MX1: variants seen among roughly 807,000 people sequenced by gnomAD.
MX1 encodes interferon-induced GTP-binding protein Mx1.
In MX1, 66 loss-of-function variants were observed where a neutral mutation model predicts 66.4. The ratio of observed to expected loss-of-function variants is 0.99; its 90% CI spans 0.82 to 1.22. The LOEUF (loss-of-function observed/expected upper bound fraction) is 1.22. MX1 is among the 50% of genes most tolerant of loss of function. The pLI is 0.00. For synonymous variants in MX1, 311 were observed against 318.1 expected, an observed-to-expected ratio of 0.98 and a Z score of 0.24; for missense variants, 787 against 834.3, an observed-to-expected ratio of 0.94 and a Z score of 0.70.
intron 13 of MX1, among the ~76,000 whole-genome samples, chr21:41,448,542 A>G (rs895930378): frequency 6.6e-6 from 1 of 152,180 alleles, no homozygotes; most frequent in Non-Finnish European, 1.5e-5. Context: ...ACGGTGGCTC[A>G]CGCCTGTAAT....
In MX1 at chr21:41,432,046, T is replaced by G; in HGVS notation, c.-21-4T>G. ...TGTTCAATAGGCATCTGCTTTATTT[T>G]AAGCTTACTTTGCAAAGAAGGAAGA... On this transcript the variant is annotated splice_polypyrimidine_tract_variant and splice_region_variant and intron_variant, in intron 4 of 16. Transcript: ENST00000398598. 1 of 1,612,680 alleles carries G rather than the reference T, an allele frequency of 6.2e-7. No homozygotes were observed. Among genetic ancestry groups the G allele is most frequent in the South Asian group, 1.1e-5 (1 of 91,052 alleles).
upstream of MX1, among the ~76,000 whole-genome samples, chr21:41,425,253 G>A (rs950267919): frequency 5.3e-5 from 8 of 152,220 alleles, no homozygotes; most frequent in African/African-American, 1.4e-4. Flanking sequence ...GGAGATAGGG[G>A]TGGGGCCGTT....
intron 13 of MX1, among the ~76,000 whole-genome samples, chr21:41,448,796 ACT>A (rs1412353987): frequency 6.6e-6 from 1 of 151,602 alleles, no homozygotes; most frequent in Admixed American, 6.6e-5. Context: ...ACAGAGCGAG[ACT>A]CTGTCACAAA....
chr21:41,426,651 G>T (rs2090068017), intron 1 of MX1: 1 of 152,234 alleles, frequency 6.6e-6, no homozygotes, highest in South Asian at 2.1e-4. Context: ...CGCGGGCCAC[G>T]AGCCCACCCG....
rs1459310141 is a variant in MX1 at position 41,458,869 on chromosome 21, T to A, written c.*111T>A. ...CAGTAGTCAGACTGGATAGTCCGTC[T>A]CTGCTTATCCGTTAGCCGTGGTGAT... On this transcript the variant is annotated 3_prime_UTR_variant, in exon 17 of 17. Coordinates refer to ENST00000398598, the MANE Select transcript of MX1 (RefSeq NM_002462.5). The A allele has an allele frequency of 6.9e-7, 1 of 1,458,894 alleles. No individual in the cohort carries two copies. The highest frequency in any genetic ancestry group is 2.4e-5 in the Admixed American group (1 of 40,882). 90.4% of individuals were successfully genotyped at this position (1,458,894 alleles called of 1,614,324 possible).
At chr21:41,434,262 G>T (rs376785348) in intron 5 of MX1, among the ~76,000 whole-genome samples, 1 of 152,210 alleles carries the variant, frequency 6.6e-6, no homozygotes, top group African/African-American at 2.4e-5. Context: ...CCCAGCTGCT[G>T]GTAGGTAGGC....
chr21:41,447,515 G>A (rs985356503), intron 13 of MX1, among the ~76,000 whole-genome samples: 1 of 152,094 alleles, frequency 6.6e-6, no homozygotes, highest in Non-Finnish European at 1.5e-5. Flanking sequence ...AGTGAAAGAA[G>A]CCAGCCACAA....
At position 41,432,158 on chromosome 21, in the gene MX1, C is replaced by G. The variant is rs2090234716; in HGVS notation, c.88C>G (p.Gln30Glu). ...ACTGAATGGAGATGCTACTGTGGCC[C>G]AGAAAAATCCAGGCTCGGTAAGTTG... ...LLLNGDATVA[Q>E]KNPGSVAENN... is the part of the protein sequence containing the mutation. Residue 30 changes from glutamine (Q) to glutamate (E), a missense_variant, in exon 5 of 17, where the codon CAG becomes GAG. Transcript: ENST00000398598. The G allele has an allele frequency of 3.1e-6, 5 of 1,613,976 alleles. No homozygotes were observed. In the South Asian group the frequency reaches 5.5e-5, roughly 18 times the overall value.
upstream of MX1, among the ~76,000 whole-genome samples, chr21:41,422,559 G>A (rs189527432): frequency 5.9e-5 from 9 of 152,290 alleles, no homozygotes; most frequent in East Asian, 1.3e-3. Context: ...GTTCAGGGAT[G>A]GCAATGGGGT....
rs527639455 is a variant in MX1 at position 41,445,780 on chromosome 21, G to A, written c.1131+210G>A. 9.8e-4 allele frequency: 805 copies of A among 821,272 alleles called. 16 individuals carry two copies. The South Asian group carries it at 0.013, about 13-fold the overall frequency. The allele number at this position is 821,272 out of a possible 1,614,324, so 50.9% of individuals were successfully genotyped here. On this transcript the variant is annotated intron_variant, in intron 12 of 16. Coordinates refer to ENST00000398598, the MANE Select transcript of MX1 (RefSeq NM_002462.5). ...CAGCAGCGAGGGATGCTCAGGCTGC[G>A]TTGTGCCTACTCTGTCACGAGCATC...
chr21:41,451,500 T>C (rs2090825126), intron 15 of MX1, among the ~76,000 whole-genome samples: 1 of 152,092 alleles, frequency 6.6e-6, no homozygotes, highest in South Asian at 2.1e-4. Context: ...GGGCAATGGC[T>C]CCAAATCCAG....
upstream of MX1, among the ~76,000 whole-genome samples, chr21:41,425,009 C>T (rs2090033386): frequency 1.3e-5 from 2 of 152,188 alleles, no homozygotes; most frequent in Non-Finnish European, 2.9e-5. Context: ...GCTGGGGTCC[C>T]GAGGCAGGTG....
At chr21:41,448,771 A>T (rs546993778) in intron 13 of MX1, among the ~76,000 whole-genome samples, 1 of 152,140 alleles carries the variant, frequency 6.6e-6, no homozygotes, top group Non-Finnish European at 1.5e-5. Flanking sequence ...ACGCCACTGC[A>T]CTCCAGCCTG....
rs2090582388 is a variant in MX1 at position 41,443,786 on chromosome 21, A to G, written c.930-2A>G. On this transcript the variant is annotated splice_acceptor_variant, in intron 10 of 16. Transcript: ENST00000398598. LOFTEE classifies it high-confidence loss of function. ...GGAAATCGGTCCTGTGTTCTCTTCT[A>G]GGGATCTGCTGGAGGAAGGAAAGGC... 6.2e-7 allele frequency: 1 copy of G among 1,614,192 alleles called. No individual in the cohort carries two copies. Among genetic ancestry groups the G allele is most frequent in the Non-Finnish European group, 8.5e-7 (1 of 1,179,994 alleles).
At position 41,445,531 on chromosome 21, in the gene MX1, A is replaced by G. The variant is rs1464460879; in HGVS notation, c.1092A>G (p.Ile364Met). ...TEELQKYGVDIPEDENEKMFF... is the reference protein window; with the variant it reads ...TEELQKYGVDMPEDENEKMFF... ...AGCTACAAAAGTATGGTGTCGACATACCGGAAGACGAAAATGAAAAAATGT... is the reference window on the plus strand; with the variant it reads ...AGCTACAAAAGTATGGTGTCGACATGCCGGAAGACGAAAATGAAAAAATGT... The change falls in exon 12 of 17, where the codon ATA (isoleucine) becomes ATG (methionine). Residue 364 changes from isoleucine (I) to methionine (M), a missense_variant. By Grantham distance (10) the Ile-to-Met change is conservative. Coordinates refer to ENST00000398598, the MANE Select transcript of MX1 (RefSeq NM_002462.5). 1.9e-6 allele frequency: 3 copies of G among 1,614,122 alleles called. No individual in the cohort carries two copies. The highest frequency in any genetic ancestry group is 2.7e-5 in the African/African-American group (2 of 74,942).
rs1222392549 is a variant in MX1 at position 41,445,683 on chromosome 21, T to A, written c.1131+113T>A. The A allele has an allele frequency of 3.4e-6, 5 of 1,450,718 alleles. No individual in the cohort carries two copies. The African/African-American group carries it at 7.1e-5, about 21-fold the overall frequency. The allele number at this position is 1,450,718 out of a possible 1,614,324, so 89.9% of individuals were successfully genotyped here. ...CCCCCAAGGCTGATCCAAAGACATC[T>A]GGCCCGTAGCACTCAAAGGGTGGAC... On this transcript the variant is annotated intron_variant, in intron 12 of 16. Coordinates refer to ENST00000398598, the MANE Select transcript of MX1 (RefSeq NM_002462.5).
Position 41,452,674 on chromosome 21 carries a change from C to T in MX1, c.1563C>T (p.Ile521=). 1 of 1,614,140 alleles carries T rather than the reference C, an allele frequency of 6.2e-7. No homozygotes were observed. The highest frequency in any genetic ancestry group is 8.5e-7 in the Non-Finnish European group (1 of 1,180,026). The part of the protein sequence containing the change: ...AEQEREGEKL[I]RLHFQMEQIV... ...AAGAGAGAGAAGGTGAGAAGCTGAT[C>T]CGCCTCCACTTCCAGATGGAACAGA... Residue 521 remains isoleucine, a synonymous_variant, in exon 16 of 17, where the codon ATC becomes ATT. Coordinates refer to ENST00000398598, the MANE Select transcript of MX1 (RefSeq NM_002462.5).
chr21:41,443,597 A>G (rs2090577185), intron 10 of MX1, 191 bp from the exon 11 acceptor site: 3 of 620,280 alleles, frequency 4.8e-6, no homozygotes, highest in Non-Finnish European at 5.9e-6. Context: ...TTGTGGAAAT[A>G]TCCTAGATTG....
Position 41,458,736 on chromosome 21 carries a change from G to C in MX1, c.1967G>C (p.Arg656Pro), listed in dbSNP as rs201395750. Residue 656 changes from arginine to proline, a missense_variant, in exon 17 of 17, where the codon CGG becomes CCG. Arg to Pro is a moderately radical substitution (Grantham distance 103). Transcript: ENST00000398598. ...GCACGGCTGACGCAGGCTCGGCGCC[G>C]GCTTGCCCAGTTCCCCGGTTAACCA... ...RLARLTQARR[R>P]LAQFPG 6.2e-7 allele frequency: 1 copy of C among 1,612,664 alleles called. No homozygotes were observed. The highest frequency in any genetic ancestry group is 1.7e-5 in the Admixed American group (1 of 60,000).
Sources: gnomAD v4.1 joint callset for allele counts (sites outside exome capture counted in the v4.1 genomes callset) on GRCh38, gnomAD v4.1.1 for gene constraint, MANE v1.5 for transcripts, NCBI Gene and HGNC (gene_info 2026-07-23, HGNC 2026-07-21) for gene names.